ZBTB7A: variants seen among roughly 807,000 people sequenced by gnomAD.
The protein encoded by ZBTB7A is zinc finger and BTB domain containing 7A.
Under a neutral mutation model 26.7 loss-of-function variants are expected in ZBTB7A, and 7 were observed. The ratio of observed to expected loss-of-function variants is 0.26; its 90% CI spans 0.15 to 0.49. The LOEUF (loss-of-function observed/expected upper bound fraction) is 0.49, where lower values mean the gene tolerates loss of function less well. Among genes scored for constraint, ZBTB7A ranks in the 20% least tolerant of loss-of-function variants. The pLI, the probability that ZBTB7A is intolerant of heterozygous loss-of-function variation, is 0.98. For synonymous variants in ZBTB7A, 452 were observed against 441.0 expected (o/e 1.02, Z -0.31); for missense variants, 617 against 919.5 (o/e 0.67, Z 4.25).
At position 4,052,591 on chromosome 19, in the gene ZBTB7A, G is replaced by A. The variant is rs950983355; in HGVS notation, c.1262+1380C>T. 2.0e-5 allele frequency among the ~76,000 whole-genome samples: 3 copies of A among 152,064 alleles called. No homozygotes were observed. Among genetic ancestry groups the A allele is most frequent in the Admixed American group, 6.5e-5 (1 of 15,276 alleles). On this transcript the variant is annotated intron_variant, in intron 2 of 2. Transcript: ENST00000322357. This position sits in a 1 kb window ranked among gnomAD's most constrained non-coding sequence, Gnocchi z 4.9. The stretch of plus-strand genomic sequence containing the variant: ...GACAATGGCCTCTTTCTTCAGCCTC[G>A]GTGGGCGTGGCTGGGGGAACCCCAG...
intron 2 of ZBTB7A, among the ~76,000 whole-genome samples, chr19:4,049,168 G>GTGTGTGTATATATATA (rs1403864466): frequency 6.7e-5 from 1 of 14,960 alleles, no homozygotes; most frequent in Non-Finnish European, 1.2e-4. Context: ...GTGTGTGTGT[G>GTGTGTGTATATATATA]TATATATATA....
At chr19:4,065,326 C>G (rs1332277382) in intron 1 of ZBTB7A, 1 of 146,204 alleles carries the variant, frequency 6.8e-6, no homozygotes, top group Non-Finnish European at 1.5e-5. Flanking sequence ...GAGTCAGGCC[C>G]GGGCGGGGGC....
In ZBTB7A at chr19:4,046,029, G is replaced by C. The variant is rs543569052; in HGVS notation, c.*1723C>G. On this transcript the variant is annotated 3_prime_UTR_variant, in exon 3 of 3. Transcript: ENST00000322357. ...TGCGGGAGGGACAGGCGTGTTGGGG[G>C]ATTGGGGGGTGCCGGATGGGGATCG... is the stretch of plus-strand genomic sequence containing the variant. 74 of 398,692 alleles carry C rather than the reference G, an allele frequency of 1.9e-4. No individual in the cohort carries two copies. The highest frequency in any genetic ancestry group is 1.4e-3 in the African/African-American group (66 of 48,720). 24.7% of individuals were successfully genotyped at this position (398,692 alleles called of 1,614,324 possible).
intron 2 of ZBTB7A, among the ~76,000 whole-genome samples, chr19:4,051,527 C>T (rs1310126017): frequency 6.6e-6 from 1 of 152,208 alleles, no homozygotes; most frequent in Non-Finnish European, 1.5e-5. Flanking sequence ...GGGTCAAGGC[C>T]TGGCCCTTGG....
rs72976982 is a variant in ZBTB7A, at chr19:4,044,828, T to G, written c.*2924A>C. 47 of 152,152 alleles carry G rather than the reference T, an allele frequency of 3.1e-4. No homozygotes were observed. Among genetic ancestry groups the G allele is most frequent in the Non-Finnish European group, 2.8e-4 (19 of 67,996 alleles). The allele number at this position is 152,152 out of a possible 1,614,324, so 9.4% of individuals were successfully genotyped here. A position where few individuals can be genotyped will look rare whatever the true frequency, so the allele number is the denominator to read the frequency against. On this transcript the variant is annotated 3_prime_UTR_variant, in exon 3 of 3. Transcript: ENST00000322357. ...ACGACCCTCCTCAAATATCATTTTT[T>G]TTTGTTTGTTTGTTTCCTGAAACGC...
At chr19:4,053,674 GGTGTGC>G (rs770130893) in intron 2 of ZBTB7A, among the ~76,000 whole-genome samples, 9 of 151,418 alleles carry the variant, frequency 5.9e-5, no homozygotes, top group Non-Finnish European at 7.4e-5. Flanking sequence ...ATGTGTATGT[GGTGTGC>G]GTGTGCGTGT....
At chr19:4,060,240 A>AT (rs2040625439) in intron 1 of ZBTB7A, among the ~76,000 whole-genome samples, 3 of 152,056 alleles carry the variant, frequency 2.0e-5, no homozygotes, top group Admixed American at 2.0e-4. Context: ...GGCGCATAGT[A>AT]GGGGCGCAGC....
At chr19:4,059,452 T>G (rs1229999284) in intron 1 of ZBTB7A, among the ~76,000 whole-genome samples, 1 of 152,072 alleles carries the variant, frequency 6.6e-6, no homozygotes, top group Non-Finnish European at 1.5e-5. Flanking sequence ...TAAATATCAC[T>G]GAGGCCCTCC....
intron 1 of ZBTB7A, among the ~76,000 whole-genome samples, chr19:4,059,064 C>A (rs2040612977): frequency 6.6e-6 from 1 of 152,206 alleles, no homozygotes; most frequent in African/African-American, 2.4e-5. Context: ...GTGGTGTCCA[C>A]CCCCTGCCAC....
Position 4,054,387 on chromosome 19 carries a change from C to T in ZBTB7A, c.846G>A (p.Ser282=), listed in dbSNP as rs1302268120. 26 of 1,418,850 alleles carry T rather than the reference C, an allele frequency of 1.8e-5. No homozygotes were observed. Among genetic ancestry groups the T allele is most frequent in the Non-Finnish European group, 2.4e-5 (26 of 1,098,976 alleles). The allele number at this position is 1,418,850 out of a possible 1,614,324, so 87.9% of individuals were successfully genotyped here. A position where few individuals can be genotyped will look rare whatever the true frequency, so the allele number is the denominator to read the frequency against. The change falls in exon 2 of 3, where the codon TCG becomes TCA. Residue 282 remains serine, a synonymous_variant. Transcript: ENST00000322357. ...YGRGGEEEAA[S]LSEAAPEPGD... ...CCGGCTCGGGGGCCGCCTCCGACAG[C>T]GAGGCGGCCTCCTCCTCTCCGCCGC...
chr19:4,056,951 C>T (rs1336583747), intron 1 of ZBTB7A, among the ~76,000 whole-genome samples: 1 of 147,064 alleles, frequency 6.8e-6, no homozygotes, highest in African/African-American at 2.5e-5. Flanking sequence ...CGCTTGAACC[C>T]GGGAGGCGAA....
Position 4,047,594 on chromosome 19 carries a change from A to C in ZBTB7A, c.*158T>G. 1.3e-5 allele frequency: 7 copies of C among 547,772 alleles called. No homozygotes were observed. The highest frequency in any genetic ancestry group is 1.6e-5 in the Non-Finnish European group (6 of 374,280). The allele number at this position is 547,772 out of a possible 1,614,324, so 33.9% of individuals were successfully genotyped here. ...AGAAAGCGCTACCCTAGATTCTGTG[A>C]CGCGTCATATATATATATCTGTATA... On this transcript the variant is annotated 3_prime_UTR_variant, in exon 3 of 3. Transcript: ENST00000322357.
chr19:4,052,504 CG>C lies in ZBTB7A; in HGVS notation c.1262+1466del, dbSNP rs2040514425. ...TCTCCTGGCCTGCTGGGGAGGGGGC[CG>C]GGGTGCTGGGGAGGGGTCAGTCCCA... On this transcript the variant is annotated intron_variant, in intron 2 of 2. Coordinates refer to ENST00000322357, the MANE Select transcript of ZBTB7A (RefSeq NM_015898.4). The surrounding 1 kb of genome is among the most constrained non-coding windows in gnomAD (Gnocchi z 4.9). 6.6e-6 allele frequency among the ~76,000 whole-genome samples: 1 copy of C among 150,828 alleles called. No homozygotes were observed. The highest frequency in any genetic ancestry group is 1.5e-5 in the Non-Finnish European group (1 of 67,666).
Position 4,045,554 on chromosome 19 carries a change from G to T in ZBTB7A, c.*2198C>A, listed in dbSNP as rs2040404777. The T allele has an allele frequency of 5.3e-6, 1 of 189,808 alleles. No homozygotes were observed. Among genetic ancestry groups the T allele is most frequent in the Non-Finnish European group, 1.1e-5 (1 of 95,164 alleles). The allele number at this position is 189,808 out of a possible 1,614,324, so 11.8% of individuals were successfully genotyped here. A position where few individuals can be genotyped will look rare whatever the true frequency, so the allele number is the denominator to read the frequency against. ...AATATGAAAATTGCCTTCTTAAAAA[G>T]CTTCCCTTTAACAATGAAAGAAAAA... is the stretch of plus-strand genomic sequence containing the variant. On this transcript the variant is annotated 3_prime_UTR_variant, in exon 3 of 3. Coordinates refer to ENST00000322357, the MANE Select transcript of ZBTB7A (RefSeq NM_015898.4). The surrounding 1 kb of genome is among the most constrained non-coding windows in gnomAD (Gnocchi z 4.1).
In ZBTB7A at chr19:4,054,796, A is replaced by G. The variant is rs1294603983; in HGVS notation, c.437T>C (p.Val146Ala). The G allele has an allele frequency of 2.5e-6, 4 of 1,588,290 alleles. No homozygotes were observed. The African/African-American group carries it at 4.0e-5, about 16-fold the overall frequency. The change falls in exon 2 of 3, where the codon GTA becomes GCA. Residue 146 changes from valine (V) to alanine (A), a missense_variant. Physicochemically the swap from Val to Ala is moderately conservative, Grantham distance 64. Around this residue, in one of 5 missense-constraint regions of ZBTB7A, gnomAD observed 331 missense variants for 391.3 expected, o/e 0.85. Coordinates refer to ENST00000322357, the MANE Select transcript of ZBTB7A (RefSeq NM_015898.4). The stretch of plus-strand genomic sequence containing the variant: ...GAGGTTGCGCTGATCAATTTGATCT[A>G]CAAGGTCCAGCTGCCCGGCGTCGGC... ...AGADAGQLDL[V>A]DQIDQRNLLR...
rs2040415145 is a variant in ZBTB7A, at chr19:4,046,262, C to T, written c.*1490G>A. 2 of 393,160 alleles carry T rather than the reference C, an allele frequency of 5.1e-6. No homozygotes were observed. Among genetic ancestry groups the T allele is most frequent in the Admixed American group, 4.4e-5 (1 of 22,534 alleles). 24.4% of individuals were successfully genotyped at this position (393,160 alleles called of 1,614,324 possible). A position where few individuals can be genotyped will look rare whatever the true frequency, so the allele number is the denominator to read the frequency against. On this transcript the variant is annotated 3_prime_UTR_variant, in exon 3 of 3. Coordinates refer to ENST00000322357, the MANE Select transcript of ZBTB7A (RefSeq NM_015898.4). Reference sequence around the variant, plus strand: ...AGCACAAACACCTCGGGGCGTCTCCCAGGTCCCCTGCGATGGCTTCCTCCT... The same window carrying T: ...AGCACAAACACCTCGGGGCGTCTCCTAGGTCCCCTGCGATGGCTTCCTCCT...
intron 1 of ZBTB7A, among the ~76,000 whole-genome samples, chr19:4,059,865 G>A (rs1377512742): frequency 6.6e-6 from 1 of 152,196 alleles, no homozygotes; most frequent in Non-Finnish European, 1.5e-5. Context: ...CACCCCCGGC[G>A]GGGGCCACAA....
At position 4,053,961 on chromosome 19, in the gene ZBTB7A, G is replaced by A. The variant is rs2040537937; in HGVS notation, c.1262+10C>T. ...GCAGGACGGCGCCTCCCCCGCGGCGGGCAGCTCACCTGGTGAAGCGGACCT... is the reference window on the plus strand; with the variant it reads ...GCAGGACGGCGCCTCCCCCGCGGCGAGCAGCTCACCTGGTGAAGCGGACCT... On this transcript the variant is annotated intron_variant, in intron 2 of 2. Transcript: ENST00000322357. 6.3e-7 allele frequency: 1 copy of A among 1,587,416 alleles called. No individual in the cohort carries two copies. The highest frequency in any genetic ancestry group is 8.6e-7 in the Non-Finnish European group (1 of 1,169,238).
chr19:4,064,821 C>T (rs1399121459), intron 1 of ZBTB7A, among the ~76,000 whole-genome samples: 1 of 152,148 alleles, frequency 6.6e-6, no homozygotes, highest in Non-Finnish European at 1.5e-5. Flanking sequence ...GGAGTTGCTG[C>T]CTCCCCCCGC....
Sources: allele counts gnomAD v4.1 joint callset (sites outside exome capture counted in the v4.1 genomes callset), GRCh38; gene constraint gnomAD v4.1.1; regional missense constraint gnomAD v4.1.1; non-coding constraint Gnocchi (gnomAD v3.1); transcripts MANE v1.5; gene names NCBI Gene and HGNC (gene_info 2026-07-23, HGNC 2026-07-21).